The following PCDHA10 variants were observed in gnomAD, a reference collection of about 807,000 sequenced individuals.
PCDHA10 encodes protocadherin alpha-10.
In PCDHA10, 45 loss-of-function variants were observed where a neutral mutation model predicts 61.2. The ratio of observed to expected loss-of-function variants is 0.74; its 90% CI spans 0.58 to 0.94. The LOEUF (loss-of-function observed/expected upper bound fraction) is 0.94. Ranked by LOEUF, PCDHA10 falls within the 40% of genes least tolerant of loss-of-function variation. The probability of loss-of-function intolerance (pLI) is 0.00; values close to 1 mark genes in which losing one functional copy is unlikely to be tolerated. For synonymous variants in PCDHA10, 602 were observed against 548.8 expected (o/e 1.10, Z -1.35); for missense variants, 1,278 against 1,236.2 (o/e 1.03, Z -0.51).
chr5:140,967,052 A>C (rs1554229118), intron 1 of PCDHA10: 1 of 1,612,532 alleles, frequency 6.2e-7, no homozygotes, highest in Non-Finnish European at 8.5e-7. Context: ...GGACCTGACG[A>C]GTGGAGCGCT....
At chr5:140,870,605 G>A (rs1445292626) in intron 1 of PCDHA10, 2 of 1,613,248 alleles carry the variant, frequency 1.2e-6, no homozygotes, top group Non-Finnish European at 1.7e-6. Flanking sequence ...TTGGGCGACC[G>A]CGCGCTGTCG....
In PCDHA10 at chr5:141,010,049, C is replaced by G. The variant is rs1554262651; in HGVS notation, c.*112C>G. 7 of 1,597,692 alleles carry G rather than the reference C, an allele frequency of 4.4e-6. No individual in the cohort carries two copies. The highest frequency in any genetic ancestry group is 1.3e-5 in the African/African-American group (1 of 74,172). On this transcript the variant is annotated 3_prime_UTR_variant, in exon 4 of 4. Coordinates refer to ENST00000307360, the MANE Select transcript of PCDHA10 (RefSeq NM_018901.4). ...TATCTACATGAGCCCTCTTAGAGAC[C>G]TCAGAAATCTGCAGAAAGTTCCCTG...
intron 1 of PCDHA10, among the ~76,000 whole-genome samples, chr5:140,964,846 C>G (rs1292135709): frequency 2.0e-5 from 3 of 152,180 alleles, no homozygotes; most frequent in Non-Finnish European, 2.9e-5. Context: ...TACTCTGTAC[C>G]CTTGAGGAAA....
chr5:140,937,413 TTAGA>T (rs781915768), intron 1 of PCDHA10, among the ~76,000 whole-genome samples: 3 of 152,228 alleles, frequency 2.0e-5, no homozygotes, highest in Non-Finnish European at 2.9e-5. Flanking sequence ...ACAACTTTTA[TTAGA>T]TAGCTGATAT....
intron 1 of PCDHA10, among the ~76,000 whole-genome samples, chr5:140,878,983 AGAAAT>A (rs2153364854): frequency 6.6e-6 from 1 of 152,352 alleles, no homozygotes; most frequent in Non-Finnish European, 1.5e-5. Flanking sequence ...CCTCTATCTT[AGAAAT>A]GAGAGTATGC....
At chr5:140,964,425 A>C (rs1440321322) in intron 1 of PCDHA10, among the ~76,000 whole-genome samples, 1 of 152,178 alleles carries the variant, frequency 6.6e-6, no homozygotes, top group East Asian at 1.9e-4. Context: ...TCCATTAAAA[A>C]ATTACCAAGC....
intron 1 of PCDHA10, chr5:140,967,880 A>G (rs782459653): frequency 4.3e-6 from 7 of 1,614,060 alleles, no homozygotes; most frequent in Non-Finnish European, 2.5e-6. Context: ...GGACCTGTAT[A>G]GCCCAGTGCC....
intron 3 of PCDHA10, 24 bp from the exon 4 acceptor site, chr5:141,009,603 G>A (rs1554262223): frequency 1.2e-6 from 2 of 1,608,568 alleles, no homozygotes; most frequent in African/African-American, 2.7e-5. Context: ...CCCTGTTAAT[G>A]ATTTGTAATG....
At chr5:140,915,137 C>T (rs2076999053) in intron 1 of PCDHA10, among the ~76,000 whole-genome samples, 3 of 151,800 alleles carry the variant, frequency 2.0e-5, no homozygotes, top group South Asian at 2.1e-4. Context: ...TTAGTAGAGA[C>T]GGGGTTTCAC....
intron 3 of PCDHA10, among the ~76,000 whole-genome samples, chr5:140,994,353 C>T (rs1321687113): frequency 6.6e-6 from 1 of 152,110 alleles, no homozygotes; most frequent in East Asian, 1.9e-4. Flanking sequence ...TGTGGGACCT[C>T]AGAAGATGGA....
intron 1 of PCDHA10, among the ~76,000 whole-genome samples, chr5:140,948,767 T>G (rs1266601836): frequency 6.6e-6 from 1 of 151,640 alleles, no homozygotes; most frequent in Non-Finnish European, 1.5e-5. Context: ...TTTTTTCGAA[T>G]AGCCAGCTTT....
At position 140,856,693 on chromosome 5, in the gene PCDHA10, T is replaced by C. The variant is rs374352563; in HGVS notation, c.645T>C (p.Asp215=). Reference sequence around the variant, plus strand: ...TAAAGTTGTTGTTGACAGCAACTGATGGAGGCAAACCTGAATTTACCGGAT... The same window carrying C: ...TAAAGTTGTTGTTGACAGCAACTGACGGAGGCAAACCTGAATTTACCGGAT... ...PQLKLLLTAT[D]GGKPEFTGSV... is the part of the protein sequence containing the mutation. The change falls in exon 1 of 4, where the codon GAT becomes GAC. Residue 215 remains aspartate, a synonymous_variant. Transcript: ENST00000307360. The C allele has an allele frequency of 5.6e-6, 9 of 1,596,766 alleles. No homozygotes were observed. The highest frequency in any genetic ancestry group is 4.0e-5 in the African/African-American group (3 of 74,440).
chr5:140,917,327 GGGA>G (rs1563018681), intron 1 of PCDHA10, among the ~76,000 whole-genome samples: 5 of 149,526 alleles, frequency 3.3e-5, no homozygotes, highest in Admixed American at 6.6e-5. Context: ...CATGTGGCGG[GGGA>G]GGGGGGGGAT....
intron 1 of PCDHA10, among the ~76,000 whole-genome samples, chr5:140,939,289 A>G (rs1186126336): frequency 1.3e-5 from 2 of 152,102 alleles, no homozygotes; most frequent in African/African-American, 4.8e-5. Flanking sequence ...TCGTGATCTA[A>G]TCATCTCTAC....
intron 1 of PCDHA10, among the ~76,000 whole-genome samples, chr5:140,906,383 T>A (rs1386557574): frequency 6.6e-6 from 1 of 152,214 alleles, no homozygotes; most frequent in African/African-American, 2.4e-5. Context: ...TTACATAAAG[T>A]TAACATTTAA....
At chr5:140,916,825 C>T (rs2077750975) in intron 1 of PCDHA10, among the ~76,000 whole-genome samples, 1 of 152,144 alleles carries the variant, frequency 6.6e-6, no homozygotes, top group Non-Finnish European at 1.5e-5. Context: ...CCACCCCTAT[C>T]CCTCTGGTTC....
rs563652109 is a variant in PCDHA10 at position 140,884,316 on chromosome 5, C to G, written c.2388+25880C>G. 26 of 1,613,752 alleles carry G rather than the reference C, an allele frequency of 1.6e-5. 2 individuals carry two copies. The South Asian group carries it at 2.5e-4, about 16-fold the overall frequency. On this transcript the variant is annotated intron_variant, in intron 1 of 3. Transcript: ENST00000307360. ...GCGCCACAGGCTTCGTCGAGGGCGT[C>G]GGCAGGCGCTGTGGGTCCAGAAGCG...
intron 3 of PCDHA10, among the ~76,000 whole-genome samples, chr5:140,998,871 A>C (rs1554256499): frequency 6.6e-6 from 1 of 152,200 alleles, no homozygotes; most frequent in African/African-American, 2.4e-5. Flanking sequence ...CTTGTAAATA[A>C]TAAGTTTAGT....
chr5:140,963,509 G>A, intron 1 of PCDHA10, among the ~76,000 whole-genome samples: 1 of 152,164 alleles, frequency 6.6e-6, no homozygotes, highest in Non-Finnish European at 1.5e-5. Flanking sequence ...CTCTTGAAGG[G>A]GTTCTCATAA....
Sources: allele counts gnomAD v4.1 joint callset (sites outside exome capture counted in the v4.1 genomes callset), GRCh38; gene constraint gnomAD v4.1.1; transcripts MANE v1.5; gene names NCBI Gene and HGNC (gene_info 2026-07-23, HGNC 2026-07-21).